The following SEMA5A variants were observed in gnomAD, a reference collection of about 807,000 sequenced individuals.
The protein encoded by SEMA5A is semaphorin 5A.
Under a neutral mutation model 135.5 loss-of-function variants are expected in SEMA5A, and 55 were observed. That is an observed-to-expected ratio of 0.41 (90% CI 0.33 to 0.51). The LOEUF is 0.51. Ranked by LOEUF, SEMA5A falls within the 20% of genes least tolerant of loss-of-function variation. The pLI is 0.37. For synonymous variants in SEMA5A, 580 were observed against 546.5 expected (o/e 1.06, Z -0.85); for missense variants, 1,290 against 1,419.9 (o/e 0.91, Z 1.47).
intron 18 of SEMA5A, among the ~76,000 whole-genome samples, chr5:9,061,849 T>C (rs2150064489): frequency 6.6e-6 from 1 of 152,172 alleles, no homozygotes; most frequent in African/African-American, 2.4e-5. Context: ...GGTAGACCTT[T>C]TGTGACAGAA....
At chr5:9,335,232 G>A (rs1205731) in intron 4 of SEMA5A, among the ~76,000 whole-genome samples, 97,680 of 151,816 alleles carry the variant, frequency 0.64, 32,983 homozygotes, top group South Asian at 0.77. Flanking sequence ...AGACCTCTAG[G>A]GATACTGAGA....
At chr5:9,477,287 C>G (rs1759704218) in intron 1 of SEMA5A, among the ~76,000 whole-genome samples, 1 of 152,082 alleles carries the variant, frequency 6.6e-6, no homozygotes, top group African/African-American at 2.4e-5. Context: ...GCAGTGAAAA[C>G]AGGAATGTAA....
intron 3 of SEMA5A, among the ~76,000 whole-genome samples, chr5:9,369,970 G>A (rs1755069830): frequency 6.6e-6 from 1 of 151,870 alleles, no homozygotes; most frequent in African/African-American, 2.4e-5. Flanking sequence ...TCTTATTATT[G>A]TCTGACTCTC....
chr5:9,107,484 T>C (rs561316580), intron 16 of SEMA5A, among the ~76,000 whole-genome samples: 100 of 152,186 alleles, frequency 6.6e-4, no homozygotes, highest in Non-Finnish European at 1.3e-3. Context: ...CACAATGTTC[T>C]ATACCTTGGT....
chr5:9,057,218 C>T (rs1325479198), intron 18 of SEMA5A, among the ~76,000 whole-genome samples: 1 of 152,054 alleles, frequency 6.6e-6, no homozygotes, highest in Non-Finnish European at 1.5e-5. Context: ...CGTTGTATAC[C>T]TATACTTAAC....
intron 11 of SEMA5A, among the ~76,000 whole-genome samples, chr5:9,159,403 G>A (rs2619919): frequency 0.55 from 83,694 of 151,928 alleles, 25,799 homozygotes; most frequent in Middle Eastern, 0.77. Context: ...ATAGAACTTA[G>A]CCAACTGGAG....
chr5:9,369,714 T>C (rs569451031), intron 3 of SEMA5A, among the ~76,000 whole-genome samples: 5 of 152,082 alleles, frequency 3.3e-5, no homozygotes, highest in Admixed American at 2.6e-4. Flanking sequence ...GTTTTCCTCA[T>C]GCAATTACAT....
At position 9,154,584 on chromosome 5, in the gene SEMA5A, A is replaced by G. The variant is rs1160930141; in HGVS notation, c.1385T>C (p.Leu462Pro). Residue 462 changes from leucine to proline, a missense_variant, in exon 12 of 23, where the codon CTG (leucine) becomes CCG (proline). By Grantham distance (98) the Leu-to-Pro change is moderately conservative. This residue lies in a region of SEMA5A where 1,029 missense variants were observed against 1,086.6 expected (regional missense o/e 0.95). Coordinates refer to ENST00000382496, the MANE Select transcript of SEMA5A (RefSeq NM_003966.3). The stretch of plus-strand genomic sequence containing the variant: ...GACACTCTGGCTGTGCAGGATCTGC[A>G]GGCTCCTGATGGGCTCCCTCCGCCT... ...PERRREPIRS[L>P]QILHSQSVLF... The G allele has an allele frequency of 6.2e-7, 1 of 1,613,624 alleles. No homozygotes were observed.
chr5:9,163,859 A>T (rs370235919), intron 11 of SEMA5A, among the ~76,000 whole-genome samples: 1 of 151,628 alleles, frequency 6.6e-6, no homozygotes, highest in Non-Finnish European at 1.5e-5. Flanking sequence ...GAGAAACCAA[A>T]CCTGCCGACA....
chr5:9,049,405 T>A (rs1169495592), intron 21 of SEMA5A, among the ~76,000 whole-genome samples: 1 of 152,192 alleles, frequency 6.6e-6, no homozygotes, highest in Non-Finnish European at 1.5e-5. Context: ...CCTCACGTGA[T>A]CTGCCTGCCT....
At chr5:9,054,347 T>G (rs542789184) in intron 18 of SEMA5A, 90 bp from the exon 19 acceptor site, 2 of 1,481,640 alleles carry the variant, frequency 1.3e-6, no homozygotes, top group East Asian at 2.4e-5. Context: ...TGGATTCTGT[T>G]TAGTAAGGGA....
chr5:9,329,367 G>A (rs1753015913), intron 4 of SEMA5A, among the ~76,000 whole-genome samples: 1 of 152,226 alleles, frequency 6.6e-6, no homozygotes, highest in African/African-American at 2.4e-5. Flanking sequence ...GTGTGAATGA[G>A]TGGGTGTGGC....
In SEMA5A at chr5:9,365,570, C is replaced by A. The variant is rs533071777; in HGVS notation, c.124+14253G>T. On this transcript the variant is annotated intron_variant, in intron 3 of 22. Coordinates refer to ENST00000382496, the MANE Select transcript of SEMA5A (RefSeq NM_003966.3). Reference sequence around the variant, plus strand: ...GTTTCAGCACCATTTAAATAGTGTACCCAAGATGAGTTCCTCACTCACCTA... The same window carrying A: ...GTTTCAGCACCATTTAAATAGTGTAACCAAGATGAGTTCCTCACTCACCTA... 4.6e-5 allele frequency among the ~76,000 whole-genome samples: 7 copies of A among 152,164 alleles called. No homozygotes were observed. In the South Asian group the frequency reaches 1.5e-3, roughly 32 times the overall value.
At chr5:9,044,102 T>A (rs112248571) in intron 22 of SEMA5A, among the ~76,000 whole-genome samples, 2 of 152,198 alleles carry the variant, frequency 1.3e-5, no homozygotes, top group African/African-American at 2.4e-5. Flanking sequence ...TTAAGCAGGG[T>A]CCAAGGGGAA....
chr5:9,228,887 G>C (rs1747468018), intron 6 of SEMA5A, among the ~76,000 whole-genome samples: 1 of 152,232 alleles, frequency 6.6e-6, no homozygotes, highest in Non-Finnish European at 1.5e-5. Context: ...CACTCTAGAT[G>C]AAAGTGTTAA....
chr5:9,264,657 C>T lies in SEMA5A; in HGVS notation c.271-26767G>A, dbSNP rs1805942. Among the ~76,000 whole-genome samples the T allele has an allele frequency of 1.0e-2, 1,516 of 151,858 alleles. 27 individuals carry two copies. The highest frequency in any genetic ancestry group is 0.035 in the African/African-American group (1,462 of 41,456). Reference sequence around the variant, plus strand: ...CTCCCACCCTGAGGTCATAGTGACACCTCCCACCCTGAGGTCACCAGCGGG... The same window carrying T: ...CTCCCACCCTGAGGTCATAGTGACATCTCCCACCCTGAGGTCACCAGCGGG... On this transcript the variant is annotated intron_variant, in intron 5 of 22. Transcript: ENST00000382496.
At chr5:9,074,722 C>G (rs752591938) in intron 16 of SEMA5A, among the ~76,000 whole-genome samples, 1 of 152,004 alleles carries the variant, frequency 6.6e-6, no homozygotes, top group Non-Finnish European at 1.5e-5. Context: ...GCAAAACAAG[C>G]GTATGTAAAC....
chr5:9,299,590 A>C (rs183892256), intron 5 of SEMA5A, among the ~76,000 whole-genome samples: 99 of 152,262 alleles, frequency 6.5e-4, no homozygotes, highest in South Asian at 4.6e-3. Context: ...CTAGTGACCC[A>C]AGTCAACCTT....
intron 1 of SEMA5A, among the ~76,000 whole-genome samples, chr5:9,530,037 G>T (rs466158): frequency 0.29 from 44,154 of 152,102 alleles, 6,500 homozygotes; most frequent in Non-Finnish European, 0.31. Context: ...TGAAGAGCAG[G>T]CAAAGGCAAG....
Sources: gnomAD v4.1 joint callset for allele counts (sites outside exome capture counted in the v4.1 genomes callset) on GRCh38, gnomAD v4.1.1 for gene constraint, gnomAD v4.1.1 regional missense constraint, MANE v1.5 for transcripts, NCBI Gene and HGNC (gene_info 2026-07-23, HGNC 2026-07-21) for gene names.